The following CDH20 variants were observed in gnomAD, a reference collection of about 807,000 sequenced individuals.
CDH20 encodes the protein cadherin 20, also known as cadherin-20.
Under a neutral mutation model 74.2 loss-of-function variants are expected in CDH20, and 29 were observed. That is an observed-to-expected ratio of 0.39 (90% CI 0.29 to 0.53). The LOEUF (loss-of-function observed/expected upper bound fraction) is 0.53, where lower values mean the gene tolerates loss of function less well. Ranked by LOEUF, CDH20 falls within the 20% of genes least tolerant of loss-of-function variation. The probability of loss-of-function intolerance (pLI) is 0.69; values close to 1 mark genes in which losing one functional copy is unlikely to be tolerated. For missense variants in CDH20, 988 were observed against 1,048.3 expected (o/e 0.94, Z 0.79); for synonymous variants, 469 against 405.4 (o/e 1.16, Z -1.88).
intron 1 of CDH20, among the ~76,000 whole-genome samples, chr18:61,365,919 T>A (rs544912356): frequency 6.6e-6 from 1 of 152,306 alleles, no homozygotes; most frequent in South Asian, 2.1e-4. Context: ...ATTTCTAAAA[T>A]ATTTAAAACT....
At chr18:61,449,301 T>G (rs1909305029) in intron 1 of CDH20, among the ~76,000 whole-genome samples, 1 of 152,170 alleles carries the variant, frequency 6.6e-6, no homozygotes, top group Non-Finnish European at 1.5e-5. Context: ...ATTTATTCTG[T>G]CAGGGAAGGA....
At chr18:61,482,471 A>G (rs1910622011) in intron 1 of CDH20, among the ~76,000 whole-genome samples, 1 of 152,048 alleles carries the variant, frequency 6.6e-6, no homozygotes, top group African/African-American at 2.4e-5. Flanking sequence ...CCTCCCCTGG[A>G]TCCTTGGTTG....
intron 1 of CDH20, among the ~76,000 whole-genome samples, chr18:61,396,040 A>AGAGTGTGTGTGTGT (rs779356011): frequency 3.6e-5 from 3 of 83,522 alleles, no homozygotes; most frequent in Non-Finnish European, 8.4e-5. Context: ...GCACTCACAG[A>AGAGTGTGTGTGTGT]GTGTGTGTGT....
chr18:61,465,909 A>G (rs1036485800), intron 1 of CDH20, among the ~76,000 whole-genome samples: 10 of 152,060 alleles, frequency 6.6e-5, no homozygotes, highest in African/African-American at 2.2e-4. Flanking sequence ...AAAATTTACA[A>G]ATTAGCCAGG....
At chr18:61,369,277 T>C (rs563790029) in intron 1 of CDH20, among the ~76,000 whole-genome samples, 12 of 152,102 alleles carry the variant, frequency 7.9e-5, no homozygotes, top group Non-Finnish European at 1.5e-4. Context: ...TAAAGTCAGG[T>C]TTGTCTGACT....
At position 61,499,229 on chromosome 18, in the gene CDH20, T is replaced by A. The variant is rs770046815; in HGVS notation, c.290T>A (p.Ile97Asn). ...MDRGDGSIKY[I>N]LSGEGAGIVF... ...AGGGGAGACGGATCCATCAAATACA[T>A]CCTCTCGGGAGAAGGTGCTGGCATC... Residue 97 changes from isoleucine to asparagine, a missense_variant, in exon 3 of 12, where the codon ATC becomes AAC. This residue lies in a region of CDH20 where 613 missense variants were observed against 755.2 expected (regional missense o/e 0.81). Transcript: ENST00000262717. 1.7e-5 allele frequency: 27 copies of A among 1,609,284 alleles called. No individual in the cohort carries two copies. Among genetic ancestry groups the A allele is most frequent in the Non-Finnish European group, 2.3e-5 (27 of 1,176,974 alleles).
At chr18:61,371,426 T>C (rs1441539225) in intron 1 of CDH20, among the ~76,000 whole-genome samples, 1 of 152,030 alleles carries the variant, frequency 6.6e-6, no homozygotes, top group Non-Finnish European at 1.5e-5. Context: ...TATCCATGTA[T>C]TGAAACATGA....
At chr18:61,532,753 C>T (rs1912691690) in intron 7 of CDH20, among the ~76,000 whole-genome samples, 1 of 152,032 alleles carries the variant, frequency 6.6e-6, no homozygotes, top group Non-Finnish European at 1.5e-5. Flanking sequence ...AATGTTTATT[C>T]CCTCCAAAAT....
At chr18:61,448,127 A>G (rs1213167892) in intron 1 of CDH20, among the ~76,000 whole-genome samples, 2 of 152,216 alleles carry the variant, frequency 1.3e-5, no homozygotes, top group South Asian at 4.1e-4. Context: ...ATCAGATAAC[A>G]TGTCTAAGAC....
At chr18:61,454,029 G>A (rs946369011) in intron 1 of CDH20, among the ~76,000 whole-genome samples, 1 of 152,034 alleles carries the variant, frequency 6.6e-6, no homozygotes, top group East Asian at 1.9e-4. Flanking sequence ...TGTCATAGTG[G>A]CTTTAATTTG....
intron 4 of CDH20, 110 bp from the exon 5 acceptor site, chr18:61,502,843 C>T (rs1911432796): frequency 1.3e-6 from 1 of 797,316 alleles, no homozygotes; most frequent in Admixed American, 3.0e-5. Flanking sequence ...AGGTGACTTG[C>T]ACCTCACTTC....
chr18:61,554,366 G>A lies in CDH20; in HGVS notation c.2077G>A (p.Ala693Thr). The A allele has an allele frequency of 6.2e-7, 1 of 1,613,002 alleles. No individual in the cohort carries two copies. The highest frequency in any genetic ancestry group is 8.5e-7 in the Non-Finnish European group (1 of 1,179,728). ...MWNPREAQAG[A>T]APKTRQDMLP... Reference sequence around the variant, plus strand: ...GAACCCCCGGGAGGCGCAGGCGGGGGCCGCCCCCAAGACGCGGCAGGACAT... The same window carrying A: ...GAACCCCCGGGAGGCGCAGGCGGGGACCGCCCCCAAGACGCGGCAGGACAT... Residue 693 changes from alanine (A) to threonine (T), a missense_variant, in exon 12 of 12, where the codon GCC (alanine) becomes ACC (threonine). This residue lies in a region of CDH20 where 375 missense variants were observed against 293.1 expected (regional missense o/e 1.28). Coordinates refer to ENST00000262717, the MANE Select transcript of CDH20 (RefSeq NM_031891.4).
chr18:61,372,480 T>G (rs1032399965), intron 1 of CDH20, among the ~76,000 whole-genome samples: 1 of 152,250 alleles, frequency 6.6e-6, no homozygotes, highest in Non-Finnish European at 1.5e-5. Flanking sequence ...AGAAATTATT[T>G]AAATTCTCCC....
intron 1 of CDH20, among the ~76,000 whole-genome samples, chr18:61,364,233 T>A (rs2144140956): frequency 6.6e-6 from 1 of 152,044 alleles, no homozygotes; most frequent in East Asian, 1.9e-4. Context: ...TAATGGGAGG[T>A]GTTTGGGTCA....
intron 1 of CDH20, among the ~76,000 whole-genome samples, chr18:61,392,763 A>C (rs1911836741): frequency 6.7e-6 from 1 of 150,362 alleles, no homozygotes; most frequent in African/African-American, 2.5e-5. Flanking sequence ...ATGAAGAGCT[A>C]TAAGAACTTT....
intron 1 of CDH20, among the ~76,000 whole-genome samples, chr18:61,432,483 A>C (rs1913291096): frequency 1.3e-5 from 2 of 152,136 alleles, no homozygotes; most frequent in Admixed American, 1.3e-4. Context: ...GTTGCTAAAT[A>C]ACCACTCTTT....
chr18:61,524,906 G>A (rs1384978782), intron 6 of CDH20, among the ~76,000 whole-genome samples: 1 of 151,788 alleles, frequency 6.6e-6, no homozygotes, highest in Non-Finnish European at 1.5e-5. Flanking sequence ...GGGTAACAGA[G>A]TGAGACGCTG....
intron 1 of CDH20, among the ~76,000 whole-genome samples, chr18:61,474,338 C>T (rs1286256193): frequency 6.6e-6 from 1 of 152,168 alleles, no homozygotes; most frequent in African/African-American, 2.4e-5. Context: ...ATGTGGATAT[C>T]ATTATTAAGC....
intron 6 of CDH20, among the ~76,000 whole-genome samples, chr18:61,526,095 A>G (rs991436081): frequency 2.0e-5 from 3 of 147,138 alleles, no homozygotes; most frequent in African/African-American, 7.6e-5. Flanking sequence ...ACAGGCATGA[A>G]CCACTGCTCC....
Sources: allele counts gnomAD v4.1 joint callset (sites outside exome capture counted in the v4.1 genomes callset), GRCh38; gene constraint gnomAD v4.1.1; regional missense constraint gnomAD v4.1.1; transcripts MANE v1.5; gene names NCBI Gene and HGNC (gene_info 2026-07-23, HGNC 2026-07-21).